The following PPP6R2 variants were observed in gnomAD, a reference collection of about 807,000 sequenced individuals.
PPP6R2 encodes the protein protein phosphatase 6 regulatory subunit 2.
Under a neutral mutation model 100.2 loss-of-function variants are expected in PPP6R2, and 62 were observed. The ratio of observed to expected loss-of-function variants is 0.62; its 90% CI spans 0.50 to 0.76. The LOEUF (loss-of-function observed/expected upper bound fraction) is 0.76, where lower values mean the gene tolerates loss of function less well. Ranked by LOEUF, PPP6R2 falls within the 30% of genes least tolerant of loss-of-function variation. The pLI is 0.00. For synonymous variants in PPP6R2, 525 were observed against 514.7 expected, an observed-to-expected ratio of 1.02 and a Z score of -0.27; for missense variants, 1,142 against 1,276.3, an observed-to-expected ratio of 0.89 and a Z score of 1.60.
chr22:50,339,790 T>TGTG (rs569687379), upstream of PPP6R2, among the ~76,000 whole-genome samples: 24,335 of 105,220 alleles, frequency 0.23, 4,580 homozygotes, highest in African/African-American at 0.53. Flanking sequence ...GTGTGTGTGG[T>TGTG]GTGTGTGGGG....
At chr22:50,405,050 C>T (rs984389136) in intron 3 of PPP6R2, among the ~76,000 whole-genome samples, 10 of 152,238 alleles carry the variant, frequency 6.6e-5, no homozygotes, top group East Asian at 5.8e-4. Flanking sequence ...TTAGTCATAA[C>T]GTTCTTGCGT....
rs750448462 is a variant in PPP6R2, at chr22:50,438,267, C to T, written c.1933C>T (p.Arg645Cys). 3.7e-6 allele frequency: 6 copies of T among 1,613,560 alleles called. No individual in the cohort carries two copies. Among genetic ancestry groups the T allele is most frequent in the African/African-American group, 1.3e-5 (1 of 74,926 alleles). Residue 645 changes from arginine (R) to cysteine (C), a missense_variant, in exon 18 of 24, where the codon CGC becomes TGC. This residue lies in a region of PPP6R2 where 550 missense variants were observed against 517.4 expected (regional missense o/e 1.06). Transcript: ENST00000612753. The part of the protein sequence containing the change: ...DEDIWEDSDT[R>C]CAARVMARPR... ...GGACATCTGGGAGGACAGTGACACTCGCTGTGCTGCCCGGGTGATGGCCAG... is the reference window on the plus strand; with the variant it reads ...GGACATCTGGGAGGACAGTGACACTTGCTGTGCTGCCCGGGTGATGGCCAG...
Position 50,431,485 on chromosome 22 carries a change from CGG to C in PPP6R2, c.1335+107_1335+108del, listed in dbSNP as rs1157337871. The C allele has an allele frequency of 5.5e-6, 6 of 1,093,554 alleles. No individual in the cohort carries two copies. Among genetic ancestry groups the C allele is most frequent in the Non-Finnish European group, 7.9e-6 (6 of 762,816 alleles). 67.7% of individuals were successfully genotyped at this position (1,093,554 alleles called of 1,614,324 possible). Reference sequence around the variant, plus strand: ...GCCGGACCTCACTGTGCAGCTGACACGGGGGCAGGGCTTTGAAAAGGGTCCCC... The same window carrying C: ...GCCGGACCTCACTGTGCAGCTGACACGGGCAGGGCTTTGAAAAGGGTCCCC... On this transcript the variant is annotated intron_variant, in intron 11 of 23. Coordinates refer to ENST00000612753, the MANE Select transcript of PPP6R2 (RefSeq NM_001242898.2). The surrounding 1 kb of genome is among the most constrained non-coding windows in gnomAD (Gnocchi z 4.8).
At chr22:50,434,166 A>T (rs747646399) in intron 12 of PPP6R2, among the ~76,000 whole-genome samples, 1 of 30,050 alleles carries the variant, frequency 3.3e-5, no homozygotes, top group African/African-American at 1.1e-4. Flanking sequence ...CCGGGGGCGC[A>T]GACGCTGGGC....
chr22:50,342,905 G>A (rs2042565486), upstream of PPP6R2, among the ~76,000 whole-genome samples: 1 of 152,100 alleles, frequency 6.6e-6, no homozygotes, highest in Non-Finnish European at 1.5e-5. Context: ...GGGCGTCCAC[G>A]CCCCGCGGCC....
chr22:50,391,043 C>G (rs1347449571), intron 2 of PPP6R2, among the ~76,000 whole-genome samples: 1 of 151,338 alleles, frequency 6.6e-6, no homozygotes, highest in African/African-American at 2.4e-5. Context: ...TGCAGTGGCT[C>G]ACATCTGTAA....
intron 1 of PPP6R2, among the ~76,000 whole-genome samples, chr22:50,359,000 C>CT (rs1251907225): frequency 9.4e-6 from 1 of 106,272 alleles, no homozygotes; most frequent in Non-Finnish European, 2.3e-5. Context: ...GCCCCCCCCC[C>CT]CCCCCCAACT....
rs141059010 is a variant in PPP6R2, at chr22:50,416,072, G to T, written c.553-20G>T. 2.5e-6 allele frequency: 4 copies of T among 1,605,690 alleles called. No homozygotes were observed. The highest frequency in any genetic ancestry group is 3.4e-6 in the Non-Finnish European group (4 of 1,172,262). On this transcript the variant is annotated intron_variant, in intron 5 of 23. Transcript: ENST00000612753. The stretch of plus-strand genomic sequence containing the variant: ...TTAGACTTGAGCAGCGACACTGAAA[G>T]GCCTCTTTTTCTCTTTCAGTGGCTG...
chr22:50,444,916 C>G lies in PPP6R2; in HGVS notation c.*669C>G, dbSNP rs2066690775. 1 of 152,856 alleles carries G rather than the reference C, an allele frequency of 6.5e-6. No individual in the cohort carries two copies. The highest frequency in any genetic ancestry group is 2.4e-5 in the African/African-American group (1 of 41,410). The allele number at this position is 152,856 out of a possible 1,614,324, so 9.5% of individuals were successfully genotyped here. ...GACCACAGGTATGCAGGTGGGGGGA[C>G]ATGGTGTGGCACTAGGGGCTCGAAG... On this transcript the variant is annotated 3_prime_UTR_variant, in exon 24 of 24. Transcript: ENST00000612753.
upstream of PPP6R2, among the ~76,000 whole-genome samples, chr22:50,340,432 GGT>G (rs1294909127): frequency 3.7e-5 from 5 of 136,672 alleles, no homozygotes; most frequent in African/African-American, 5.5e-5. Flanking sequence ...TGGTGTGTGT[GGT>G]GTGTGTGGTA....
At chr22:50,441,293 G>A (rs975717767) in intron 22 of PPP6R2, among the ~76,000 whole-genome samples, 1 of 152,180 alleles carries the variant, frequency 6.6e-6, no homozygotes, top group African/African-American at 2.4e-5. Flanking sequence ...GTTAAGACAA[G>A]AAGACAGGGC....
chr22:50,437,452 T>A, intron 15 of PPP6R2, 54 bp from the exon 16 acceptor site: 1 of 1,295,070 alleles, frequency 7.7e-7, no homozygotes, highest in Non-Finnish European at 1.1e-6. Context: ...CCAGGCCTGA[T>A]GCCTCCTCCA....
At chr22:50,352,935 A>G (rs1417469586) in intron 1 of PPP6R2, among the ~76,000 whole-genome samples, 1 of 151,234 alleles carries the variant, frequency 6.6e-6, no homozygotes, top group African/African-American at 2.4e-5. Context: ...GTGGTGGTGC[A>G]TGCCTATAGT....
the PPP6R2 span, among the ~76,000 whole-genome samples, chr22:50,337,643 ATAGTGTGTGTG>A: frequency 1.3e-5 from 1 of 74,084 alleles, no homozygotes; most frequent in Non-Finnish European, 2.3e-5. Context: ...CTGTGTGGGT[ATAGTGTGTGTG>A]TGGTGTGTGT....
intron 2 of PPP6R2, among the ~76,000 whole-genome samples, chr22:50,376,041 C>T (rs1284201665): frequency 6.6e-6 from 1 of 151,640 alleles, no homozygotes; most frequent in Non-Finnish European, 1.5e-5. Context: ...CTGTGTTGGC[C>T]AGGCTGGTCT....
At chr22:50,375,816 CAAA>C (rs2051375319) in intron 2 of PPP6R2, among the ~76,000 whole-genome samples, 1 of 115,728 alleles carries the variant, frequency 8.6e-6, no homozygotes, top group Non-Finnish European at 1.7e-5. Context: ...TCCTAAGATA[CAAA>C]GAATCCCTGC....
intron 2 of PPP6R2, among the ~76,000 whole-genome samples, chr22:50,374,427 CATT>C (rs1408437517): frequency 6.6e-6 from 1 of 152,098 alleles, no homozygotes; most frequent in Non-Finnish European, 1.5e-5. Flanking sequence ...CAGTGAAAGA[CATT>C]ATCCAAAGTG....
At chr22:50,432,216 T>G in intron 11 of PPP6R2, 49 bp from the exon 12 acceptor site, 2 of 1,500,934 alleles carry the variant, frequency 1.3e-6, no homozygotes, top group Non-Finnish European at 1.8e-6. Context: ...GAGGGGTGCG[T>G]GCCGCCTTCA....
Position 50,370,530 on chromosome 22 carries a change from A to G in PPP6R2, c.-147-1490A>G, listed in dbSNP as rs567044210. Among the ~76,000 whole-genome samples, 438 of 150,680 alleles carry G rather than the reference A, an allele frequency of 2.9e-3. 3 individuals carry two copies. Among genetic ancestry groups the G allele is most frequent in the Admixed American group, 0.014 (217 of 15,160 alleles). ...TCTCGAATGCCTGACCTCGTGATCC[A>G]CCCGCCTTGGCCTCCCAAAGTGCTG... On this transcript the variant is annotated intron_variant, in intron 1 of 23. Coordinates refer to ENST00000612753, the MANE Select transcript of PPP6R2 (RefSeq NM_001242898.2).
Sources: allele counts gnomAD v4.1 joint callset (sites outside exome capture counted in the v4.1 genomes callset), GRCh38; gene constraint gnomAD v4.1.1; regional missense constraint gnomAD v4.1.1; non-coding constraint Gnocchi (gnomAD v3.1); transcripts MANE v1.5; gene names NCBI Gene and HGNC (gene_info 2026-07-23, HGNC 2026-07-21).